CXCL13: variants seen among roughly 807,000 people sequenced by gnomAD.
CXCL13 encodes the protein C-X-C motif chemokine ligand 13.
CXCL13 carries 7 observed loss-of-function variants against 12.2 expected under a neutral mutation model. The observed-to-expected ratio is 0.57, with a 90% CI of 0.33 to 1.07. The LOEUF is 1.07. CXCL13 is among the 50% of genes least tolerant of loss of function. The pLI is 0.04. For missense variants in CXCL13, 113 were observed against 127.4 expected (o/e 0.89, Z 0.55); for synonymous variants, 47 against 42.4 (o/e 1.11, Z -0.42).
intron 1 of CXCL13, among the ~76,000 whole-genome samples, chr4:77,518,961 T>TAGGTTTTTGGTGTGGA (rs1465783021): frequency 6.6e-6 from 1 of 152,216 alleles, no homozygotes; most frequent in Non-Finnish European, 1.5e-5. Context: ...GATGTACAGA[T>TAGGTTTTTGGTGTGGA]AGGTTTTTGG....
At chr4:77,574,236 C>A (rs570640820) in intron 1 of CXCL13, among the ~76,000 whole-genome samples, 3 of 151,784 alleles carry the variant, frequency 2.0e-5, no homozygotes, top group Non-Finnish European at 4.4e-5. Flanking sequence ...TTCTTATCAC[C>A]TTCAATGTCC....
rs181245038 is a variant in CXCL13 at position 77,529,642 on chromosome 4, C to G, written c.-43+17854C>G. ...ATTGATTTTGTATCCTGAGACTTTG[C>G]TGAAGTTGCCTATCGGCTTAAGGAG... On this transcript the variant is annotated intron_variant, in intron 1 of 4. Coordinates refer to the CXCL13 transcript ENST00000286758. 2.8e-3 allele frequency among the ~76,000 whole-genome samples: 429 copies of G among 152,284 alleles called. 4 individuals carry two copies. The highest frequency in any genetic ancestry group is 0.01 in the African/African-American group (418 of 41,534).
Position 77,542,558 on chromosome 4 carries a change from T to C in CXCL13, c.-43+30770T>C, listed in dbSNP as rs149752314. ...TCCAATCACCTTCCACCAGGCCCCA[T>C]CTCCAATACTGGGGATTACAATTCT... On this transcript the variant is annotated intron_variant, in intron 1 of 4. Coordinates refer to the CXCL13 transcript ENST00000286758. Among the ~76,000 whole-genome samples, 325 of 152,228 alleles carry C rather than the reference T, an allele frequency of 2.1e-3. 2 individuals are homozygous for C. The highest frequency in any genetic ancestry group is 7.5e-3 in the African/African-American group (313 of 41,548).
upstream of CXCL13, among the ~76,000 whole-genome samples, chr4:77,601,707 G>A (rs1471924132): frequency 6.6e-6 from 1 of 152,170 alleles, no homozygotes; most frequent in African/African-American, 2.4e-5. Context: ...TTTTCACAAA[G>A]GTTAAAAAGA....
intron 1 of CXCL13, among the ~76,000 whole-genome samples, chr4:77,598,405 C>T (rs1726813803): frequency 6.6e-6 from 1 of 152,166 alleles, no homozygotes; most frequent in South Asian, 2.1e-4. Context: ...TCCCTTCGTC[C>T]CTTTCAGAGC....
intron 1 of CXCL13, among the ~76,000 whole-genome samples, chr4:77,574,498 AG>A (rs1274854297): frequency 6.6e-6 from 1 of 151,984 alleles, no homozygotes; most frequent in African/African-American, 2.4e-5. Context: ...TGTAATAGCT[AG>A]GTAGAACATA....
chr4:77,551,015 T>C (rs1725503493), intron 1 of CXCL13, among the ~76,000 whole-genome samples: 1 of 152,214 alleles, frequency 6.6e-6, no homozygotes, highest in Non-Finnish European at 1.5e-5. Flanking sequence ...GCTTTGGGGT[T>C]TCCTTATGTG....
chr4:77,555,501 A>G (rs1227640051), intron 1 of CXCL13, among the ~76,000 whole-genome samples: 2 of 152,128 alleles, frequency 1.3e-5, no homozygotes, highest in Non-Finnish European at 2.9e-5. Flanking sequence ...CTTACCTCAC[A>G]GTAAATGCAA....
chr4:77,577,518 C>T (rs977367212), intron 1 of CXCL13, among the ~76,000 whole-genome samples: 1 of 152,282 alleles, frequency 6.6e-6, no homozygotes, highest in South Asian at 2.1e-4. Context: ...AGCCAAGCTT[C>T]CCATTTCATG....
intron 1 of CXCL13, among the ~76,000 whole-genome samples, chr4:77,563,993 C>G (rs563101447): frequency 2.0e-5 from 3 of 152,156 alleles, no homozygotes. Context: ...ATGTGACAGA[C>G]GGCCCTGCAC....
chr4:77,539,381 C>T lies in CXCL13; in HGVS notation c.-43+27593C>T, dbSNP rs573536257. Among the ~76,000 whole-genome samples the T allele has an allele frequency of 1.4e-4, 22 of 152,322 alleles. No individual in the cohort carries two copies. The South Asian group carries it at 4.6e-3, about 32-fold the overall frequency. ...ACCTCAAGTGATCCGCCCATCTTGG[C>T]CTCCCAAAGTGCTGGGATCACAAGC... is the stretch of plus-strand genomic sequence containing the variant. On this transcript the variant is annotated intron_variant, in intron 1 of 4. Coordinates refer to the CXCL13 transcript ENST00000286758.
At chr4:77,532,541 G>A (rs1432587391) in intron 1 of CXCL13, among the ~76,000 whole-genome samples, 6 of 152,030 alleles carry the variant, frequency 3.9e-5, no homozygotes, top group East Asian at 1.9e-4. Flanking sequence ...TGCTGTTCTC[G>A]AGGAGTATCT....
At chr4:77,537,289 C>T (rs113081948) in intron 1 of CXCL13, among the ~76,000 whole-genome samples, 4 of 152,254 alleles carry the variant, frequency 2.6e-5, no homozygotes, top group African/African-American at 4.8e-5. Context: ...TGTATGAACA[C>T]GACTGCAGAG....
At chr4:77,531,766 C>G (rs1724924528) in intron 1 of CXCL13, among the ~76,000 whole-genome samples, 1 of 152,164 alleles carries the variant, frequency 6.6e-6, no homozygotes, top group Non-Finnish European at 1.5e-5. Context: ...ATAGTTAGCT[C>G]TTCTTGTTGA....
chr4:77,594,353 C>T (rs1726693154), intron 1 of CXCL13, among the ~76,000 whole-genome samples: 1 of 152,182 alleles, frequency 6.6e-6, no homozygotes, highest in Non-Finnish European at 1.5e-5. Context: ...CCTGGTAGCA[C>T]CACTTATCTG....
At chr4:77,525,072 T>C (rs1724726664) in intron 1 of CXCL13, among the ~76,000 whole-genome samples, 1 of 152,148 alleles carries the variant, frequency 6.6e-6, no homozygotes, top group South Asian at 2.1e-4. Context: ...GGGTCAGTTA[T>C]CTCTAGAGCA....
chr4:77,544,969 A>G (rs1725316407), intron 1 of CXCL13, among the ~76,000 whole-genome samples: 1 of 152,190 alleles, frequency 6.6e-6, no homozygotes, highest in Admixed American at 6.5e-5. Flanking sequence ...ACATATGGCT[A>G]GGCAGTTTTT....
At chr4:77,548,330 G>T (rs563584939) in intron 1 of CXCL13, among the ~76,000 whole-genome samples, 15 of 152,334 alleles carry the variant, frequency 9.8e-5, no homozygotes, top group African/African-American at 3.6e-4. Context: ...AATGACTGCA[G>T]TATCTTCAAC....
chr4:77,544,052 C>T (rs1158344987), intron 1 of CXCL13, among the ~76,000 whole-genome samples: 1 of 152,164 alleles, frequency 6.6e-6, no homozygotes, highest in Non-Finnish European at 1.5e-5. Flanking sequence ...CAGCTTCATC[C>T]ATGTCCCTAC....
Sources: allele counts gnomAD v4.1 joint callset (sites outside exome capture counted in the v4.1 genomes callset), GRCh38; gene constraint gnomAD v4.1.1; transcripts MANE v1.5; gene names NCBI Gene and HGNC (gene_info 2026-07-23, HGNC 2026-07-21).